CABCOCO1: variants seen among roughly 807,000 people sequenced by gnomAD.
CABCOCO1 encodes the protein ciliary-associated calcium-binding coiled-coil protein 1.
In CABCOCO1, 28 loss-of-function variants were observed where a neutral mutation model predicts 35.7. The observed-to-expected ratio is 0.78, with a 90% confidence interval of 0.58 to 1.07. The LOEUF is 1.07. CABCOCO1 is among the 50% of genes least tolerant of loss of function. CABCOCO1 has a pLI of 0.00. For missense variants in CABCOCO1, 326 were observed against 309.2 expected, an observed-to-expected ratio of 1.05 and a Z score of -0.41; for synonymous variants, 95 against 100.1, an observed-to-expected ratio of 0.95 and a Z score of 0.30.
At chr10:61,691,531 A>C (rs10994877) in intron 5 of CABCOCO1, among the ~76,000 whole-genome samples, 11,290 of 152,172 alleles carry the variant, frequency 0.074, 454 homozygotes, top group East Asian at 0.095. Context: ...TCTGGGATAC[A>C]TGTGCAGAAC....
intron 5 of CABCOCO1, among the ~76,000 whole-genome samples, chr10:61,751,997 G>C (rs2132081537): frequency 6.6e-6 from 1 of 152,238 alleles, no homozygotes; most frequent in South Asian, 2.1e-4. Flanking sequence ...TAGGTGAAAG[G>C]TCTCTTTTGA....
chr10:61,764,799 G>A (rs1256280158), intron 7 of CABCOCO1, among the ~76,000 whole-genome samples: 1 of 151,964 alleles, frequency 6.6e-6, no homozygotes, highest in Admixed American at 6.6e-5. Flanking sequence ...TGATACTTAT[G>A]TGAGTTCTGA....
intron 2 of CABCOCO1, among the ~76,000 whole-genome samples, chr10:61,680,109 G>A (rs1424455093): frequency 2.0e-5 from 3 of 151,530 alleles, no homozygotes; most frequent in African/African-American, 4.8e-5. Flanking sequence ...TCAGGAGTTC[G>A]AGACCAGCCT....
intron 5 of CABCOCO1, among the ~76,000 whole-genome samples, chr10:61,720,917 CTTTTTTTTTTTTTT>C (rs71018996): frequency 1.5e-5 from 1 of 65,974 alleles, no homozygotes; most frequent in Admixed American, 2.0e-4. Context: ...TCTTTTCATT[CTTTTTTTTTTTTTT>C]TTTTTTTTTT....
chr10:61,763,522 T>C (rs1393568345), intron 7 of CABCOCO1, among the ~76,000 whole-genome samples: 1 of 152,086 alleles, frequency 6.6e-6, no homozygotes, highest in African/African-American at 2.4e-5. Flanking sequence ...TAATAAAAAT[T>C]ATACCCAAGG....
intron 3 of CABCOCO1, among the ~76,000 whole-genome samples, chr10:61,683,096 G>A (rs1473838662): frequency 6.6e-6 from 1 of 151,986 alleles, no homozygotes; most frequent in Admixed American, 6.6e-5. Flanking sequence ...TCGCCATGTT[G>A]GCCTGGCTGG....
intron 5 of CABCOCO1, among the ~76,000 whole-genome samples, chr10:61,700,165 C>T (rs528418446): frequency 1.3e-5 from 2 of 152,084 alleles, no homozygotes; most frequent in South Asian, 4.2e-4. Flanking sequence ...AAATGTCTAA[C>T]TATTGTCAAG....
intron 5 of CABCOCO1, among the ~76,000 whole-genome samples, chr10:61,753,086 C>T (rs1415191956): frequency 6.6e-6 from 1 of 152,052 alleles, no homozygotes; most frequent in East Asian, 1.9e-4. Context: ...ATTATCGGTA[C>T]TTATTCAAAA....
chr10:61,755,990 T>C (rs2132086857), intron 5 of CABCOCO1, among the ~76,000 whole-genome samples: 1 of 152,162 alleles, frequency 6.6e-6, no homozygotes, highest in South Asian at 2.1e-4. Context: ...TTTATTCCCA[T>C]GGCGGATGTC....
intron 5 of CABCOCO1, among the ~76,000 whole-genome samples, chr10:61,748,217 A>G (rs1841706645): frequency 6.6e-6 from 1 of 152,124 alleles, no homozygotes; most frequent in African/African-American, 2.4e-5. Context: ...TAACAGGGGA[A>G]AATAGCAATA....
At chr10:61,669,588 G>A (rs1839296597) in intron 1 of CABCOCO1, among the ~76,000 whole-genome samples, 1 of 151,862 alleles carries the variant, frequency 6.6e-6, no homozygotes, top group Admixed American at 6.6e-5. Flanking sequence ...AAAGCAGTCT[G>A]GTTTAAAATA....
intron 3 of CABCOCO1, among the ~76,000 whole-genome samples, chr10:61,682,356 T>G (rs1839818509): frequency 6.6e-6 from 1 of 152,180 alleles, no homozygotes; most frequent in South Asian, 2.1e-4. Context: ...GAAAAAATTT[T>G]TTTTAAAAAT....
At chr10:61,701,312 TA>T (rs1564540437) in intron 5 of CABCOCO1, among the ~76,000 whole-genome samples, 1 of 152,150 alleles carries the variant, frequency 6.6e-6, no homozygotes, top group Non-Finnish European at 1.5e-5. Flanking sequence ...CATAACATTA[TA>T]AAAATGTCTG....
intron 5 of CABCOCO1, among the ~76,000 whole-genome samples, chr10:61,737,056 G>A (rs1369828342): frequency 2.0e-5 from 3 of 151,994 alleles, no homozygotes; most frequent in Non-Finnish European, 4.4e-5. Context: ...AAGACTATGG[G>A]GTTTTATAGA....
intron 2 of CABCOCO1, among the ~76,000 whole-genome samples, chr10:61,677,295 A>T (rs1312286403): frequency 6.6e-6 from 1 of 152,072 alleles, no homozygotes; most frequent in Non-Finnish European, 1.5e-5. Flanking sequence ...GCAAAAGATA[A>T]TTGGAGTTTT....
chr10:61,706,265 T>C (rs536476691), intron 5 of CABCOCO1, among the ~76,000 whole-genome samples: 3 of 152,318 alleles, frequency 2.0e-5, no homozygotes, highest in East Asian at 3.9e-4. Flanking sequence ...ACGAACACCA[T>C]ACCGTGTATT....
intron 5 of CABCOCO1, among the ~76,000 whole-genome samples, chr10:61,704,678 T>G (rs1840551764): frequency 6.6e-6 from 1 of 152,196 alleles, no homozygotes; most frequent in Non-Finnish European, 1.5e-5. Context: ...ATTTGCTGTT[T>G]TAAGCGCCCA....
rs143314850 is a variant in CABCOCO1 at position 61,708,838 on chromosome 10, G to A, written c.552+18217G>A. 6.9e-4 allele frequency among the ~76,000 whole-genome samples: 105 copies of A among 152,218 alleles called. 2 individuals carry two copies. The East Asian group carries it at 0.013, about 19-fold the overall frequency. On this transcript the variant is annotated intron_variant, in intron 5 of 7. Transcript: ENST00000648843. ...AGTTTAAATACCTACAAAATAGGGC[G>A]TACTCCATAAATTTTATTTTCCTTT...
At chr10:61,765,810 C>T (rs923953874) in intron 7 of CABCOCO1, 129 bp from the exon 8 acceptor site, 80 of 756,626 alleles carry the variant, frequency 1.1e-4, no homozygotes, top group Non-Finnish European at 1.6e-4. Flanking sequence ...ACAGCTATGT[C>T]TGCAAAACAG....
Sources: allele counts gnomAD v4.1 joint callset (sites outside exome capture counted in the v4.1 genomes callset), GRCh38; gene constraint gnomAD v4.1.1; transcripts MANE v1.5; gene names NCBI Gene and HGNC (gene_info 2026-07-23, HGNC 2026-07-21).